The following VPS13B variants were observed in gnomAD, a reference collection of about 807,000 sequenced individuals.
VPS13B encodes the protein vacuolar protein sorting 13 homolog B.
Under a neutral mutation model 426.4 loss-of-function variants are expected in VPS13B, and 285 were observed. The observed-to-expected ratio is 0.67, with a 90% confidence interval of 0.61 to 0.74. The LOEUF is 0.74. Among genes scored for constraint, VPS13B ranks in the 30% least tolerant of loss-of-function variants. VPS13B has a pLI of 0.00. For missense variants in VPS13B, 4,537 were observed against 4,782.6 expected, an observed-to-expected ratio of 0.95 and a Z score of 1.51; for synonymous variants, 1,676 against 1,676.4, an observed-to-expected ratio of 1.00 and a Z score of 0.01.
intron 19 of VPS13B, among the ~76,000 whole-genome samples, chr8:99,356,258 A>T (rs1812176191): frequency 6.6e-6 from 1 of 152,184 alleles, no homozygotes; most frequent in African/African-American, 2.4e-5. Flanking sequence ...CTGAGATTTA[A>T]ATGAAATGGT....
At chr8:99,385,994 G>A (rs16897320) in intron 20 of VPS13B, among the ~76,000 whole-genome samples, 3,105 of 152,204 alleles carry the variant, frequency 0.02, 113 homozygotes, top group African/African-American at 0.071. Context: ...CATTTTGAAG[G>A]GTAAAGAGGA....
chr8:99,651,243 A>C (rs149944590), intron 34 of VPS13B, among the ~76,000 whole-genome samples: 1 of 152,162 alleles, frequency 6.6e-6, no homozygotes, highest in South Asian at 2.1e-4. Flanking sequence ...AAAGTATGAT[A>C]ATTATAATTT....
chr8:99,868,510 T>C, intron 59 of VPS13B, 45 bp downstream of exon 59: 4 of 1,567,380 alleles, frequency 2.6e-6, no homozygotes, highest in Non-Finnish European at 3.5e-6. Flanking sequence ...ACGTTACTGA[T>C]TTGCATGCTT....
chr8:99,651,796 G>A (rs1294299867), intron 34 of VPS13B, among the ~76,000 whole-genome samples: 2 of 152,086 alleles, frequency 1.3e-5, no homozygotes, highest in Admixed American at 6.6e-5. Flanking sequence ...GGGCTTTTTT[G>A]TTTGTTTTTG....
chr8:99,512,694 T>C (rs956263446), intron 29 of VPS13B, among the ~76,000 whole-genome samples: 2 of 152,078 alleles, frequency 1.3e-5, no homozygotes, highest in African/African-American at 4.8e-5. Context: ...GGAGAAGAAT[T>C]TGGGGTAGGT....
At chr8:99,134,851 T>C in intron 9 of VPS13B, 124 bp downstream of exon 9, 1 of 1,165,974 alleles carries the variant, frequency 8.6e-7, no homozygotes, top group South Asian at 1.5e-5. Flanking sequence ...CTTATTTTAA[T>C]AGAGTTTACT....
chr8:99,620,889 GGCAGGAGATTC>G (rs1588558121), intron 33 of VPS13B, among the ~76,000 whole-genome samples: 1 of 151,230 alleles, frequency 6.6e-6, no homozygotes, highest in East Asian at 2.0e-4. Flanking sequence ...AGGAGGCTCA[GGCAGGAGATTC>G]GCTTGAACCT....
chr8:99,693,882 A>G (rs1167686949), intron 35 of VPS13B, among the ~76,000 whole-genome samples: 1 of 146,606 alleles, frequency 6.8e-6, no homozygotes, highest in Non-Finnish European at 1.5e-5. Flanking sequence ...AAAAATCACA[A>G]GCATTCTTAT....
chr8:99,696,446 G>T lies in VPS13B; in HGVS notation c.6047-3079G>T, dbSNP rs1321915070. 6 of 368,524 alleles carry T rather than the reference G, an allele frequency of 1.6e-5. No individual in the cohort carries two copies. The Admixed American group carries it at 1.9e-4, about 11-fold the overall frequency. 22.8% of individuals were successfully genotyped at this position (368,524 alleles called of 1,614,324 possible). A position where few individuals can be genotyped will look rare whatever the true frequency, so the allele number is the denominator to read the frequency against. On this transcript the variant is annotated intron_variant, in intron 35 of 61. Transcript: ENST00000357162. The stretch of plus-strand genomic sequence containing the variant: ...GACAGCCACACCCTGACCAGGCAAA[G>T]CGCAGGCAGTTTCTCCGGATCCGCG...
At chr8:99,527,953 C>G (rs1822733124) in intron 30 of VPS13B, 1 of 151,896 alleles carries the variant, frequency 6.6e-6, no homozygotes, top group Non-Finnish European at 1.5e-5. Flanking sequence ...AACATAGTTA[C>G]ACTTCTCTTA....
Position 99,171,833 on chromosome 8 carries a change from CT to C in VPS13B, c.2333+1672del, listed in dbSNP as rs1812352498. On this transcript the variant is annotated intron_variant, in intron 16 of 61. Coordinates refer to ENST00000357162, the MANE Select transcript of VPS13B (RefSeq NM_152564.5). ...CTGTAACTTGAAAATAAAGAGAAAA[CT>C]TAATAAATTGAGATATTGGTTGGTT... 2.0e-5 allele frequency among the ~76,000 whole-genome samples: 3 copies of C among 151,932 alleles called. No homozygotes were observed. In the South Asian group the frequency reaches 6.2e-4, roughly 32 times the overall value.
intron 2 of VPS13B, among the ~76,000 whole-genome samples, chr8:99,014,787 G>T (rs1054367118): frequency 1.3e-5 from 2 of 151,638 alleles, no homozygotes; most frequent in African/African-American, 4.8e-5. Flanking sequence ...ATTGAGAATG[G>T]CAGTAAAATT....
chr8:99,281,149 G>A lies in VPS13B; in HGVS notation c.2824+5895G>A, dbSNP rs111366531. On this transcript the variant is annotated intron_variant, in intron 19 of 61. Transcript: ENST00000357162. ...GGAATGTGCAAGCTAGATCCCTCGC[G>A]TGCACATTTCACAACAGGCTTTGTG... 3.9e-3 allele frequency among the ~76,000 whole-genome samples: 587 copies of A among 152,194 alleles called. 6 individuals carry two copies. The highest frequency in any genetic ancestry group is 0.013 in the African/African-American group (521 of 41,520).
intron 15 of VPS13B, among the ~76,000 whole-genome samples, chr8:99,159,631 A>G (rs1811538039): frequency 6.6e-6 from 1 of 152,128 alleles, no homozygotes; most frequent in Admixed American, 6.6e-5. Context: ...GAAGGTTGAG[A>G]TGGTCATTAG....
At chr8:99,696,722 T>C in intron 35 of VPS13B, 1 of 954,284 alleles carries the variant, frequency 1.0e-6, no homozygotes, top group South Asian at 1.3e-5. Context: ...TTCTCCGTTT[T>C]CCCAGAAGAT....
intron 43 of VPS13B, among the ~76,000 whole-genome samples, chr8:99,795,888 T>G (rs1194690030): frequency 9.9e-5 from 15 of 152,184 alleles, no homozygotes; most frequent in Admixed American, 9.8e-4. Context: ...GCCTCAGAAG[T>G]CATTCATTGT....
Position 99,233,919 on chromosome 8 carries a change from T to C in VPS13B, c.2516-40279T>C, listed in dbSNP as rs565555701. The C allele has an allele frequency of 8.6e-5, 68 of 791,140 alleles. No individual in the cohort carries two copies. In the African/African-American group the frequency reaches 1.0e-3, roughly 12 times the overall value. 49.0% of individuals were successfully genotyped at this position (791,140 alleles called of 1,614,324 possible). A position where few individuals can be genotyped will look rare whatever the true frequency, so the allele number is the denominator to read the frequency against. The stretch of plus-strand genomic sequence containing the variant: ...GTCCCCTCTGGGGTGGCATGGATGG[T>C]GACAAGCTTCTCTGCAGCTCCAGAG... On this transcript the variant is annotated intron_variant, in intron 17 of 61. Transcript: ENST00000357162.
intron 39 of VPS13B, among the ~76,000 whole-genome samples, chr8:99,721,891 C>T (rs1833147310): frequency 6.6e-6 from 1 of 152,210 alleles, no homozygotes; most frequent in African/African-American, 2.4e-5. Flanking sequence ...CCTAATTGGC[C>T]TCTATGCTTC....
chr8:99,771,559 T>A (rs1563909958), intron 40 of VPS13B, among the ~76,000 whole-genome samples: 1 of 152,188 alleles, frequency 6.6e-6, no homozygotes, highest in Non-Finnish European at 1.5e-5. Flanking sequence ...TATATATGAG[T>A]GTGTGAATGT....
Sources: gnomAD v4.1 joint callset for allele counts (sites outside exome capture counted in the v4.1 genomes callset) on GRCh38, gnomAD v4.1.1 for gene constraint, MANE v1.5 for transcripts, NCBI Gene and HGNC (gene_info 2026-07-23, HGNC 2026-07-21) for gene names.